EPB41L3: variants seen among roughly 807,000 people sequenced by gnomAD.
EPB41L3 encodes erythrocyte membrane protein band 4.1 like 3.
A neutral mutation model predicts 127.1 loss-of-function variants in EPB41L3; 57 were observed. The observed-to-expected ratio is 0.45, with a 90% CI of 0.36 to 0.56. The LOEUF is 0.56. EPB41L3 is among the 20% of genes least tolerant of loss of function. The pLI, the probability that EPB41L3 is intolerant of heterozygous loss-of-function variation, is 0.00. For synonymous variants in EPB41L3, 572 were observed against 549.5 expected, an observed-to-expected ratio of 1.04 and a Z score of -0.57; for missense variants, 1,273 against 1,372.2, an observed-to-expected ratio of 0.93 and a Z score of 1.14.
rs183796623 is a variant in EPB41L3 at position 5,489,301 on chromosome 18, G to A, written c.-11-107C>T. On this transcript the variant is annotated intron_variant, in intron 1 of 22. Coordinates refer to ENST00000341928, the MANE Select transcript of EPB41L3 (RefSeq NM_012307.5). Reference sequence around the variant, plus strand: ...AAGGCTCAAGAGAACCACAGAGAGGGAGATGCTACCAAACCCCATCCTATT... The same window carrying A: ...AAGGCTCAAGAGAACCACAGAGAGGAAGATGCTACCAAACCCCATCCTATT... 1,737 of 1,318,162 alleles carry A rather than the reference G, an allele frequency of 1.3e-3. 15 individuals carry two copies. The highest frequency in any genetic ancestry group is 8.3e-4 in the Non-Finnish European group (820 of 982,618). 81.7% of individuals were successfully genotyped at this position (1,318,162 alleles called of 1,614,324 possible). A position where few individuals can be genotyped will look rare whatever the true frequency, so the allele number is the denominator to read the frequency against.
At chr18:5,531,015 A>G (rs1785400) in intron 1 of EPB41L3, among the ~76,000 whole-genome samples, 40,045 of 152,074 alleles carry the variant, frequency 0.26, 5,761 homozygotes, top group African/African-American at 0.38. Flanking sequence ...GAAATCAGAC[A>G]TTCCTTCCCC....
At chr18:5,398,573 T>A (rs2073977482) in intron 16 of EPB41L3, 1 of 402,826 alleles carries the variant, frequency 2.5e-6, no homozygotes, top group Non-Finnish European at 4.4e-6. Context: ...ACGGAAAGGT[T>A]TGGGGTGGAA....
intron 21 of EPB41L3, 30 bp downstream of exon 21, chr18:5,395,037 C>T: frequency 1.9e-6 from 3 of 1,603,552 alleles, no homozygotes; most frequent in Non-Finnish European, 2.6e-6. Flanking sequence ...TGTTTCTCTG[C>T]CAGGGTATTT....
chr18:5,507,046 G>A (rs145838777), intron 1 of EPB41L3, among the ~76,000 whole-genome samples: 2 of 152,282 alleles, frequency 1.3e-5, no homozygotes, highest in African/African-American at 2.4e-5. Flanking sequence ...TTAAGTGTGC[G>A]TGTAAAATGA....
chr18:5,625,004 G>A (rs187882656), intron 1 of EPB41L3, among the ~76,000 whole-genome samples: 175 of 152,264 alleles, frequency 1.1e-3, no homozygotes, highest in Admixed American at 3.5e-3. Flanking sequence ...GAAAGACAGA[G>A]AAATCAAACC....
chr18:5,495,816 T>A (rs2091117209), intron 1 of EPB41L3, among the ~76,000 whole-genome samples: 1 of 152,226 alleles, frequency 6.6e-6, no homozygotes, highest in Non-Finnish European at 1.5e-5. Context: ...CCCTTTCTGT[T>A]CTAAAATTCC....
intron 3 of EPB41L3, chr18:5,610,164 C>A: frequency 1.0e-6 from 1 of 985,394 alleles, no homozygotes; most frequent in Non-Finnish European, 1.2e-6. Context: ...CACGTCCCAA[C>A]AAGCAAAGGT....
Position 5,423,423 on chromosome 18 carries a change from G to C in EPB41L3, c.1294C>G (p.Arg432Gly). 1 of 1,613,028 alleles carries C rather than the reference G, an allele frequency of 6.2e-7. No homozygotes were observed. The highest frequency in any genetic ancestry group is 8.5e-7 in the Non-Finnish European group (1 of 1,179,202). ...ATGGTATAACGTTTGCTGGATGAGC[G>C]TTCAAAGTAAGGTGCTGGGCGATCT... is the stretch of plus-strand genomic sequence containing the variant. The part of the protein sequence containing the change: ...LIDRPAPYFE[R>G]SSSKRYTMSR... Residue 432 changes from arginine to glycine, a missense_variant, in exon 11 of 23, where the codon CGC becomes GGC. Around this residue, in one of 3 missense-constraint regions of EPB41L3, gnomAD observed 326 missense variants for 440.2 expected, o/e 0.74. Transcript: ENST00000341928.
rs1255464989 is a variant in EPB41L3, at chr18:5,543,610, G to A, written c.-12+303C>T. Among the ~76,000 whole-genome samples the A allele has an allele frequency of 1.4e-5, 2 of 147,396 alleles. No homozygotes were observed. Among genetic ancestry groups the A allele is most frequent in the East Asian group, 2.0e-4 (1 of 5,062 alleles). On this transcript the variant is annotated intron_variant, in intron 1 of 22. Transcript: ENST00000341928. The surrounding 1 kb of genome is among the most constrained non-coding windows in gnomAD (Gnocchi z 5.2). The stretch of plus-strand genomic sequence containing the variant: ...CCAGGGATCCCAGGGAGGCCCCCAG[G>A]CCGGAGGCCGGGGCTCAGGCTCTGC...
At chr18:5,623,057 T>C (rs1408883567) in intron 1 of EPB41L3, among the ~76,000 whole-genome samples, 1 of 147,582 alleles carries the variant, frequency 6.8e-6, no homozygotes, top group Non-Finnish European at 1.5e-5. Flanking sequence ...CGTCATTAAA[T>C]TTTTTTCATC....
At chr18:5,509,281 G>A (rs1423852498) in intron 1 of EPB41L3, among the ~76,000 whole-genome samples, 1 of 152,178 alleles carries the variant, frequency 6.6e-6, no homozygotes, top group African/African-American at 2.4e-5. Flanking sequence ...AACCTTGGAG[G>A]TGAGTATTCA....
intron 3 of EPB41L3, among the ~76,000 whole-genome samples, chr18:5,459,583 A>G (rs1357315682): frequency 6.6e-6 from 1 of 152,224 alleles, no homozygotes; most frequent in Non-Finnish European, 1.5e-5. Context: ...CATTAATTAA[A>G]ATGAAAATTT....
chr18:5,606,882 TTC>T lies in EPB41L3; in HGVS notation c.-306+5456_-306+5457del, dbSNP rs59299599. 5.9e-3 allele frequency among the ~76,000 whole-genome samples: 833 copies of T among 141,304 alleles called. 7 individuals are homozygous for T. The highest frequency in any genetic ancestry group is 0.051 in the South Asian group (215 of 4,244). The allele number at this position is 141,304 out of a possible 152,430, so 92.7% of individuals were successfully genotyped here. ...CTAACACCTGCCCACCATGGCGTCA[TTC>T]TCTCTCTCTCTCTCTCTCTCTCTCT... On this transcript the variant is annotated intron_variant, in intron 3 of 21. Coordinates refer to the EPB41L3 transcript ENST00000545076.
chr18:5,399,174 T>C (rs2074088453), intron 16 of EPB41L3: 1 of 399,078 alleles, frequency 2.5e-6, no homozygotes, highest in East Asian at 3.6e-5. Flanking sequence ...TCCTAGAGTG[T>C]ATATTTTCTG....
At chr18:5,530,304 C>T (rs1385887476) in intron 1 of EPB41L3, among the ~76,000 whole-genome samples, 1 of 152,046 alleles carries the variant, frequency 6.6e-6, no homozygotes, top group Non-Finnish European at 1.5e-5. Context: ...TGCTATGGTG[C>T]CAGAAACTGT....
intron 3 of EPB41L3, among the ~76,000 whole-genome samples, chr18:5,447,445 CTACTT>C (rs2081635263): frequency 1.5e-5 from 2 of 130,954 alleles, no homozygotes; most frequent in South Asian, 2.6e-4. Context: ...TTTAGCTAGA[CTACTT>C]TTTTTTTTTT....
chr18:5,622,792 G>C (rs1353948345), intron 1 of EPB41L3, among the ~76,000 whole-genome samples: 1 of 152,124 alleles, frequency 6.6e-6, no homozygotes, highest in African/African-American at 2.4e-5. Context: ...AGAATGCTGT[G>C]ACTATTAGGG....
chr18:5,590,642 T>A (rs867330415), intron 3 of EPB41L3, among the ~76,000 whole-genome samples: 6 of 152,040 alleles, frequency 3.9e-5, no homozygotes, highest in African/African-American at 1.4e-4. Context: ...TTGCCAAAAG[T>A]TGGAAACGAT....
At chr18:5,593,207 C>T (rs1425676924) in intron 3 of EPB41L3, among the ~76,000 whole-genome samples, 2 of 151,884 alleles carry the variant, frequency 1.3e-5, no homozygotes, top group African/African-American at 2.4e-5. Context: ...CCCCCACCCC[C>T]CTGTCCCTGT....
Sources: allele counts gnomAD v4.1 joint callset (sites outside exome capture counted in the v4.1 genomes callset), GRCh38; gene constraint gnomAD v4.1.1; regional missense constraint gnomAD v4.1.1; non-coding constraint Gnocchi (gnomAD v3.1); transcripts MANE v1.5; gene names NCBI Gene and HGNC (gene_info 2026-07-23, HGNC 2026-07-21).